The following RBFOX1 variants were observed in gnomAD, a reference collection of about 807,000 sequenced individuals.
RBFOX1 encodes the protein RNA binding fox-1 homolog 1.
Under a neutral mutation model 57.7 loss-of-function variants are expected in RBFOX1, and 8 were observed. The ratio of observed to expected loss-of-function variants is 0.14; its 90% confidence interval spans 0.08 to 0.25. RBFOX1 has a LOEUF of 0.25. Ranked by LOEUF, RBFOX1 falls within the 10% of genes least tolerant of loss-of-function variation. RBFOX1 has a pLI of 1.00. For synonymous variants in RBFOX1, 326 were observed against 222.4 expected (o/e 1.47, Z -4.15); for missense variants, 611 against 548.5 (o/e 1.11, Z -1.14).
rs547856859 is a variant in RBFOX1, at chr16:6,730,442, A to G, written c.-16+75792A>G. On this transcript the variant is annotated intron_variant, in intron 3 of 15. Coordinates refer to ENST00000550418, the MANE Select transcript of RBFOX1 (RefSeq NM_018723.4). ...TATCTCATCTATATCTAATCTATCAATTTATCAAATTATCTAATCTATCCA... is the reference window on the plus strand; with the variant it reads ...TATCTCATCTATATCTAATCTATCAGTTTATCAAATTATCTAATCTATCCA... Among the ~76,000 whole-genome samples the G allele has an allele frequency of 1.8e-3, 44 of 23,800 alleles. No homozygotes were observed. The East Asian group carries it at 0.45, about 242-fold the overall frequency. The allele number at this position is 23,800 out of a possible 152,430, so 15.6% of individuals were successfully genotyped here. A position where few individuals can be genotyped will look rare whatever the true frequency, so the allele number is the denominator to read the frequency against.
intron 10 of RBFOX1, among the ~76,000 whole-genome samples, chr16:7,608,944 G>A (rs1596419380): frequency 6.6e-6 from 1 of 152,148 alleles, no homozygotes; most frequent in African/African-American, 2.4e-5. Flanking sequence ...TCAGTTCTCA[G>A]TGTGTTCATT....
chr16:5,952,172 A>G lies in RBFOX1; in HGVS notation c.351+84837A>G, dbSNP rs188028495. Among the ~76,000 whole-genome samples, 1,329 of 149,826 alleles carry G rather than the reference A, an allele frequency of 8.9e-3. 25 individuals are homozygous for G. The highest frequency in any genetic ancestry group is 0.031 in the African/African-American group (1,249 of 40,716). ...TTTTGGTTTTGTTTTTTTTTTTGAG[A>G]TGAAGTCTCACTCTGTTTCCCTGGC... On this transcript the variant is annotated intron_variant, in intron 4 of 19. Transcript: ENST00000641259.
intron 1 of RBFOX1, among the ~76,000 whole-genome samples, chr16:6,062,632 T>TATACATATAATATATAAC (rs2095703464): frequency 2.0e-5 from 3 of 147,906 alleles, no homozygotes; most frequent in Admixed American, 6.8e-5. Context: ...ATATATAACA[T>TATACATATAATATATAAC]ATACATATAT....
At chr16:6,571,023 A>G (rs962373743) in intron 2 of RBFOX1, among the ~76,000 whole-genome samples, 1 of 152,152 alleles carries the variant, frequency 6.6e-6, no homozygotes, top group Non-Finnish European at 1.5e-5. Flanking sequence ...ACTGTTAAGG[A>G]GAAGGTCCTA....
At chr16:7,007,085 A>T (rs1834531412) in intron 3 of RBFOX1, among the ~76,000 whole-genome samples, 1 of 152,180 alleles carries the variant, frequency 6.6e-6, no homozygotes, top group African/African-American at 2.4e-5. Context: ...CTCAACGCTG[A>T]TGTCAATGGT....
At chr16:7,240,090 T>C (rs2093981572) in intron 4 of RBFOX1, among the ~76,000 whole-genome samples, 1 of 151,988 alleles carries the variant, frequency 6.6e-6, no homozygotes, top group Non-Finnish European at 1.5e-5. Context: ...CCTCAGACTC[T>C]TGAGTAGCTG....
intron 1 of RBFOX1, among the ~76,000 whole-genome samples, chr16:6,026,533 T>A (rs975450458): frequency 2.4e-4 from 36 of 152,318 alleles, no homozygotes; most frequent in African/African-American, 8.4e-4. Context: ...CTTTGCAAGA[T>A]ACAAGGGAGG....
At chr16:6,407,540 G>GGTGTGTGTGT (rs71406372) in intron 2 of RBFOX1, among the ~76,000 whole-genome samples, 22 of 53,902 alleles carry the variant, frequency 4.1e-4, no homozygotes, top group Non-Finnish European at 5.2e-4. Flanking sequence ...GAAGGAGAGG[G>GGTGTGTGTGT]GTGTGTGTGT....
chr16:6,861,307 C>G (rs554902000), intron 3 of RBFOX1, among the ~76,000 whole-genome samples: 1 of 152,196 alleles, frequency 6.6e-6, no homozygotes, highest in African/African-American at 2.4e-5. Context: ...AGGTCCCTTT[C>G]GAGTGCATTG....
chr16:6,757,962 A>G (rs987343747), intron 3 of RBFOX1, among the ~76,000 whole-genome samples: 2 of 152,140 alleles, frequency 1.3e-5, no homozygotes, highest in African/African-American at 4.8e-5. Flanking sequence ...TTACAACAAC[A>G]TCCAGGTTTT....
intron 2 of RBFOX1, among the ~76,000 whole-genome samples, chr16:6,506,553 A>G (rs932805700): frequency 6.6e-6 from 1 of 150,956 alleles, no homozygotes; most frequent in Non-Finnish European, 1.5e-5. Context: ...CTATGGACCC[A>G]CAGTGTAGTC....
At chr16:5,790,258 C>T (rs973771824) in intron 3 of RBFOX1, among the ~76,000 whole-genome samples, 5 of 152,170 alleles carry the variant, frequency 3.3e-5, no homozygotes, top group Admixed American at 2.6e-4. Flanking sequence ...GGCCTGTGAG[C>T]TGGGAAGTGG....
chr16:5,634,000 C>T (rs2151311433), intron 3 of RBFOX1, among the ~76,000 whole-genome samples: 1 of 152,306 alleles, frequency 6.6e-6, no homozygotes, highest in East Asian at 1.9e-4. Flanking sequence ...TTAGCAAGCC[C>T]ACCTTGAGTG....
intron 4 of RBFOX1, among the ~76,000 whole-genome samples, chr16:7,068,295 A>C (rs1007296780): frequency 5.3e-5 from 8 of 152,164 alleles, no homozygotes; most frequent in African/African-American, 1.9e-4. Flanking sequence ...AAGTAGACTG[A>C]TTCTCCATGT....
intron 4 of RBFOX1, among the ~76,000 whole-genome samples, chr16:7,197,672 C>G (rs77950975): frequency 0.016 from 2,469 of 152,242 alleles, 68 homozygotes; most frequent in African/African-American, 0.056. Context: ...GTGGAAACAA[C>G]TCAACTGTCC....
At chr16:6,837,356 G>T (rs2093174125) in intron 3 of RBFOX1, among the ~76,000 whole-genome samples, 1 of 152,308 alleles carries the variant, frequency 6.6e-6, no homozygotes, top group Admixed American at 6.5e-5. Context: ...AGGAAGTGGA[G>T]TCAGAGTTCT....
intron 3 of RBFOX1, among the ~76,000 whole-genome samples, chr16:6,807,668 T>C (rs1431490973): frequency 6.6e-6 from 1 of 151,936 alleles, no homozygotes; most frequent in African/African-American, 2.4e-5. Flanking sequence ...ATAAAAAATT[T>C]GGCTGGGCAT....
chr16:6,318,174 C>T (rs2081337203), intron 2 of RBFOX1, among the ~76,000 whole-genome samples: 1 of 151,010 alleles, frequency 6.6e-6, no homozygotes, highest in African/African-American at 2.4e-5. Flanking sequence ...CTGTTAGCTA[C>T]ATCAGAATGA....
intron 3 of RBFOX1, among the ~76,000 whole-genome samples, chr16:5,754,382 G>C (rs1323256434): frequency 1.3e-5 from 2 of 152,154 alleles, no homozygotes; most frequent in East Asian, 1.9e-4. Flanking sequence ...TTTAATTGAT[G>C]ATTGATGTGG....
Sources: gnomAD v4.1 joint callset for allele counts (sites outside exome capture counted in the v4.1 genomes callset) on GRCh38, gnomAD v4.1.1 for gene constraint, MANE v1.5 for transcripts, NCBI Gene and HGNC (gene_info 2026-07-23, HGNC 2026-07-21) for gene names.